Variants in UGT1A8 observed in about 807,000 individuals in gnomAD.
UGT1A8 encodes UDP glucuronosyltransferase family 1 member A8, also known as UDP-glucuronosyltransferase 1A8.
UGT1A8 carries 39 observed loss-of-function variants against 45.3 expected under a neutral mutation model. The observed-to-expected ratio is 0.86, with a 90% CI of 0.67 to 1.12. UGT1A8 has a LOEUF of 1.12. Ranked by LOEUF, UGT1A8 falls within the 50% of genes most tolerant of loss-of-function variation. The probability of loss-of-function intolerance (pLI) is 0.00; values close to 1 mark genes in which losing one functional copy is unlikely to be tolerated. For synonymous variants in UGT1A8, 275 were observed against 249.2 expected, an observed-to-expected ratio of 1.10 and a Z score of -0.97; for missense variants, 719 against 664.9, an observed-to-expected ratio of 1.08 and a Z score of -0.90.
At chr2:233,703,429 CT>C (rs2075738163) in intron 1 of UGT1A8, among the ~76,000 whole-genome samples, 1 of 151,928 alleles carries the variant, frequency 6.6e-6, no homozygotes, top group Non-Finnish European at 1.5e-5. Context: ...TCTATTGCTT[CT>C]CTATTTCTAT....
At chr2:233,625,956 G>A (rs1052454965) in intron 1 of UGT1A8, among the ~76,000 whole-genome samples, 6 of 151,988 alleles carry the variant, frequency 3.9e-5, no homozygotes, top group African/African-American at 1.4e-4. Flanking sequence ...ATAAGAGGAA[G>A]TCATTCATCA....
chr2:233,669,738 T>A (rs1275054316), intron 1 of UGT1A8, among the ~76,000 whole-genome samples: 1 of 152,124 alleles, frequency 6.6e-6, no homozygotes, highest in Non-Finnish European at 1.5e-5. Context: ...GGCTGGAGTA[T>A]AATGGCGTGA....
At chr2:233,656,060 G>A (rs1364104771) in intron 1 of UGT1A8, among the ~76,000 whole-genome samples, 106 of 152,190 alleles carry the variant, frequency 7.0e-4, no homozygotes, top group African/African-American at 2.5e-3. Context: ...AAAGGAGAAG[G>A]GATGGGGTAG....
At chr2:233,766,684 A>G (rs935932983) in intron 1 of UGT1A8, among the ~76,000 whole-genome samples, 1 of 152,094 alleles carries the variant, frequency 6.6e-6, no homozygotes, top group Non-Finnish European at 1.5e-5. Flanking sequence ...TCCCTTCTGT[A>G]TCACTGATGC....
chr2:233,695,224 C>T (rs1201439974), intron 1 of UGT1A8, among the ~76,000 whole-genome samples: 1 of 151,202 alleles, frequency 6.6e-6, no homozygotes, highest in East Asian at 2.0e-4. Context: ...CTCCTGGGTT[C>T]AAGCGATTCT....
Position 233,767,767 on chromosome 2 carries a change from T to C in UGT1A8, c.988-82T>C, listed in dbSNP as rs2302538. Reference sequence around the variant, plus strand: ...AAAGACTGTTCCTTCAGAGGACCCCTGTTTTCTAGTTAGTATAGCAGATTT... The same window carrying C: ...AAAGACTGTTCCTTCAGAGGACCCCCGTTTTCTAGTTAGTATAGCAGATTT... On this transcript the variant is annotated intron_variant, in intron 2 of 4. Coordinates refer to ENST00000373450, the MANE Select transcript of UGT1A8 (RefSeq NM_019076.5). The C allele has an allele frequency of 0.14, 222,887 of 1,608,838 alleles. 18,348 individuals are homozygous for C. Among genetic ancestry groups the C allele is most frequent in the African/African-American group, 0.38 (28,350 of 74,890 alleles).
At chr2:233,693,594 C>G in intron 1 of UGT1A8, 5 of 1,614,202 alleles carry the variant, frequency 3.1e-6, no homozygotes, top group Non-Finnish European at 4.2e-6. Flanking sequence ...AGGTGCTACA[C>G]AAAGTTTTCA....
rs761652085 is a variant in UGT1A8, at chr2:233,739,540, G to A, written c.856-27494G>A. On this transcript the variant is annotated intron_variant, in intron 1 of 4. Transcript: ENST00000373450. ...TGAAGTCAAGGGAGATTATTTTGGA[G>A]CTTTAAGATTTAATGACTGCCCTGC... Among the ~76,000 whole-genome samples, 14 of 152,360 alleles carry A rather than the reference G, an allele frequency of 9.2e-5. No homozygotes were observed. The South Asian group carries it at 2.1e-3, about 23-fold the overall frequency.
intron 1 of UGT1A8, among the ~76,000 whole-genome samples, chr2:233,651,926 T>C (rs367654047): frequency 6.6e-6 from 1 of 152,188 alleles, no homozygotes; most frequent in Non-Finnish European, 1.5e-5. Flanking sequence ...CATCCAATGC[T>C]GTAATTAAAT....
intron 1 of UGT1A8, among the ~76,000 whole-genome samples, chr2:233,699,089 G>A (rs2075483565): frequency 6.6e-6 from 1 of 152,136 alleles, no homozygotes; most frequent in African/African-American, 2.4e-5. Flanking sequence ...CTCTAGCCCT[G>A]TGCACCTCAT....
At chr2:233,708,067 C>T (rs2076002868) in intron 1 of UGT1A8, among the ~76,000 whole-genome samples, 1 of 152,200 alleles carries the variant, frequency 6.6e-6, no homozygotes, top group Non-Finnish European at 1.5e-5. Flanking sequence ...CACTCTGCAT[C>T]TTGCTTTTTA....
intron 1 of UGT1A8, among the ~76,000 whole-genome samples, chr2:233,731,455 G>A (rs1469328234): frequency 6.6e-6 from 1 of 152,026 alleles, no homozygotes; most frequent in Non-Finnish European, 1.5e-5. Context: ...CCCACAACAG[G>A]CCCTGGCGTG....
intron 1 of UGT1A8, among the ~76,000 whole-genome samples, chr2:233,714,080 A>G (rs1575505988): frequency 6.6e-6 from 1 of 152,026 alleles, no homozygotes; most frequent in Admixed American, 6.6e-5. Flanking sequence ...AGGGACGAGG[A>G]TCTGTCAAAG....
At chr2:233,666,521 C>T (rs570279515) in intron 1 of UGT1A8, among the ~76,000 whole-genome samples, 1 of 152,136 alleles carries the variant, frequency 6.6e-6, no homozygotes, top group South Asian at 2.1e-4. Context: ...AATCTTTGCT[C>T]ATTAAAAAAC....
chr2:233,635,147 T>A (rs1213857860), intron 1 of UGT1A8, among the ~76,000 whole-genome samples: 1 of 150,980 alleles, frequency 6.6e-6, no homozygotes, highest in East Asian at 1.9e-4. Context: ...TCTTCTGGTT[T>A]GTTGGGTCTC....
intron 1 of UGT1A8, chr2:233,752,584 T>C (rs903855618): frequency 6.6e-6 from 1 of 152,196 alleles, no homozygotes; most frequent in Non-Finnish European, 1.5e-5. Context: ...CATTCCCATC[T>C]CTACAAGATT....
At position 233,757,048 on chromosome 2, in the gene UGT1A8, T is replaced by C. The variant is rs536754863; in HGVS notation, c.856-9986T>C. On this transcript the variant is annotated intron_variant, in intron 1 of 4. Transcript: ENST00000373450. ...CAATTTGAGAACATCAAAGGAAGTT[T>C]GGGGAACAGCAAGGGATCCAGAATG... is the stretch of plus-strand genomic sequence containing the variant. Among the ~76,000 whole-genome samples, 5 of 151,546 alleles carry C rather than the reference T, an allele frequency of 3.3e-5. No individual in the cohort carries two copies. In the South Asian group the frequency reaches 1.0e-3, roughly 32 times the overall value.
chr2:233,636,030 C>T (rs1171660923), intron 1 of UGT1A8, among the ~76,000 whole-genome samples: 1 of 150,780 alleles, frequency 6.6e-6, no homozygotes, highest in East Asian at 1.9e-4. Context: ...AGGTGAGCCC[C>T]AGTTTCTTGC....
At chr2:233,655,293 C>G (rs148750624) in intron 1 of UGT1A8, among the ~76,000 whole-genome samples, 4 of 152,260 alleles carry the variant, frequency 2.6e-5, no homozygotes, top group Non-Finnish European at 5.9e-5. Context: ...CAACTCTACT[C>G]CCCACTAAGT....
Sources: gnomAD v4.1 joint callset for allele counts (sites outside exome capture counted in the v4.1 genomes callset) on GRCh38, gnomAD v4.1.1 for gene constraint, MANE v1.5 for transcripts, NCBI Gene and HGNC (gene_info 2026-07-23, HGNC 2026-07-21) for gene names.